The following FAT4 variants were observed in gnomAD, a reference collection of about 807,000 sequenced individuals.
FAT4 encodes the protein FAT atypical cadherin 4, also known as protocadherin Fat 4.
FAT4 carries 84 observed loss-of-function variants against 303.9 expected under a neutral mutation model. The ratio of observed to expected loss-of-function variants is 0.28; its 90% CI spans 0.23 to 0.33. The LOEUF is 0.33. Ranked by LOEUF, FAT4 falls within the 10% of genes least tolerant of loss-of-function variation. The probability of loss-of-function intolerance (pLI) is 1.00; values close to 1 mark genes in which losing one functional copy is unlikely to be tolerated. For missense variants in FAT4, 6,005 were observed against 6,146.8 expected (o/e 0.98, Z 0.77); for synonymous variants, 2,307 against 2,298.8 (o/e 1.00, Z -0.10).
chr4:125,451,284 T>C lies in FAT4; in HGVS notation c.10274T>C (p.Val3425Ala). The C allele has an allele frequency of 1.2e-5, 20 of 1,614,072 alleles. No individual in the cohort carries two copies. The highest frequency in any genetic ancestry group is 1.7e-5 in the Non-Finnish European group (20 of 1,179,948). Residue 3425 changes from valine to alanine, a missense_variant, in exon 10 of 18, where the codon GTG becomes GCG. Coordinates refer to ENST00000394329, the MANE Select transcript of FAT4 (RefSeq NM_001291303.3). ...GAAGGGGTCCCAATAGGAACTCATG[T>C]GACCTTTGTCAGTGCCTTTGACTCA... ...ISEGVPIGTH[V>A]TFVSAFDSDS...
chr4:125,485,077 T>C (rs1045226749), intron 16 of FAT4, among the ~76,000 whole-genome samples: 7 of 152,132 alleles, frequency 4.6e-5, no homozygotes, highest in African/African-American at 1.7e-4. Context: ...GCACTTACTG[T>C]GACTGAAGCT....
chr4:125,316,339 A>C lies in FAT4; in HGVS notation c.-12-61A>C. 6.6e-7 allele frequency: 1 copy of C among 1,513,028 alleles called. No individual in the cohort carries two copies. Among genetic ancestry groups the C allele is most frequent in the Non-Finnish European group, 8.8e-7 (1 of 1,132,336 alleles). 93.7% of individuals were successfully genotyped at this position (1,513,028 alleles called of 1,614,324 possible). A position where few individuals can be genotyped will look rare whatever the true frequency, so the allele number is the denominator to read the frequency against. On this transcript the variant is annotated intron_variant, in intron 1 of 17. Transcript: ENST00000394329. The surrounding 1 kb of genome is among the most constrained non-coding windows in gnomAD (Gnocchi z 5.7). ...GCTGAATCTTTGCTGGCGCTCCTTA[A>C]TCCCTGTAAATATCATTGCGTTTGC...
chr4:125,417,902 A>G (rs1314361069), intron 7 of FAT4, among the ~76,000 whole-genome samples: 1 of 152,190 alleles, frequency 6.6e-6, no homozygotes, highest in Non-Finnish European at 1.5e-5. Context: ...GATACAGAAA[A>G]CAGAAGTTGT....
chr4:125,488,461 G>C (rs149237731), intron 17 of FAT4, among the ~76,000 whole-genome samples: 19 of 152,256 alleles, frequency 1.2e-4, no homozygotes, highest in East Asian at 7.7e-4. Context: ...TTGGGATCTG[G>C]GCAAGATGTC....
intron 7 of FAT4, among the ~76,000 whole-genome samples, chr4:125,419,191 G>A (rs1237329430): frequency 6.6e-6 from 1 of 152,110 alleles, no homozygotes; most frequent in African/African-American, 2.4e-5. Flanking sequence ...ACTTATTCTA[G>A]CTATTAATGT....
At chr4:125,358,906 T>C (rs1303316578) in intron 2 of FAT4, among the ~76,000 whole-genome samples, 2 of 152,164 alleles carry the variant, frequency 1.3e-5, no homozygotes, top group Non-Finnish European at 2.9e-5. Context: ...CATTGTACTT[T>C]TACTAGGACC....
At position 125,316,119 on chromosome 4, in the gene FAT4, A is replaced by T. The variant is rs1730572433; in HGVS notation, c.-13+142A>T. ...TCAAAAACAAAGTAAAAGGGGGCAT[A>T]TATAAGAGGCTTGAGAAACTTTTCT... On this transcript the variant is annotated intron_variant, in intron 1 of 17. Coordinates refer to ENST00000394329, the MANE Select transcript of FAT4 (RefSeq NM_001291303.3). This position sits in a 1 kb window ranked among gnomAD's most constrained non-coding sequence, Gnocchi z 5.7. Among the ~76,000 whole-genome samples, 1 of 152,224 alleles carries T rather than the reference A, an allele frequency of 6.6e-6. No individual in the cohort carries two copies. Among genetic ancestry groups the T allele is most frequent in the Non-Finnish European group, 1.5e-5 (1 of 68,046 alleles).
chr4:125,477,929 G>A (rs1727089793), intron 14 of FAT4, among the ~76,000 whole-genome samples: 1 of 151,948 alleles, frequency 6.6e-6, no homozygotes, highest in Admixed American at 6.6e-5. Context: ...ATACAAGGAA[G>A]AAAACAAAAT....
chr4:125,419,010 T>C (rs1735178251), intron 7 of FAT4, among the ~76,000 whole-genome samples: 1 of 152,158 alleles, frequency 6.6e-6, no homozygotes, highest in Non-Finnish European at 1.5e-5. Flanking sequence ...TGGAAGTATA[T>C]CATGTAGTTA....
intron 7 of FAT4, among the ~76,000 whole-genome samples, chr4:125,424,450 C>A (rs1725020170): frequency 1.3e-5 from 2 of 152,132 alleles, no homozygotes; most frequent in African/African-American, 4.8e-5. Flanking sequence ...TTTCCTGAGG[C>A]CTCCCCAGCT....
intron 2 of FAT4, among the ~76,000 whole-genome samples, chr4:125,398,229 G>C (rs1734254790): frequency 6.6e-6 from 1 of 152,110 alleles, no homozygotes. Flanking sequence ...GTCACAAATA[G>C]AGAGTGCTGA....
chr4:125,466,020 A>C (rs1387643564), intron 11 of FAT4, among the ~76,000 whole-genome samples: 2 of 152,216 alleles, frequency 1.3e-5, no homozygotes, highest in Non-Finnish European at 2.9e-5. Flanking sequence ...CCTTTAAAAC[A>C]AAACTTTATC....
chr4:125,481,864 A>G (rs1288149100), intron 16 of FAT4, 126 bp downstream of exon 16: 4 of 756,514 alleles, frequency 5.3e-6, no homozygotes, highest in Non-Finnish European at 8.7e-6. Flanking sequence ...AATGCTGGGC[A>G]CTATTCCAAT....
chr4:125,347,101 T>C (rs1732032874), intron 2 of FAT4, among the ~76,000 whole-genome samples: 1 of 151,846 alleles, frequency 6.6e-6, no homozygotes, highest in East Asian at 1.9e-4. Context: ...GCCTGAGCGG[T>C]AGGCTCAGTG....
intron 2 of FAT4, among the ~76,000 whole-genome samples, chr4:125,348,589 G>A (rs115203469): frequency 6.3e-4 from 96 of 151,720 alleles, no homozygotes; most frequent in African/African-American, 2.2e-3. Context: ...TAGTACACTA[G>A]AGTAGTTCTT....
intron 5 of FAT4, among the ~76,000 whole-genome samples, chr4:125,413,168 A>ATG (rs907336126): frequency 4.0e-5 from 6 of 151,816 alleles, no homozygotes; most frequent in African/African-American, 1.4e-4. Flanking sequence ...CTTTATATAT[A>ATG]TATATGTGAA....
chr4:125,370,785 T>A (rs1005585067), intron 2 of FAT4, among the ~76,000 whole-genome samples: 1 of 152,112 alleles, frequency 6.6e-6, no homozygotes, highest in African/African-American at 2.4e-5. Context: ...AAATTTCAAA[T>A]TGACAAAAAT....
intron 12 of FAT4, among the ~76,000 whole-genome samples, chr4:125,473,629 A>G (rs1726934364): frequency 6.6e-6 from 1 of 152,006 alleles, no homozygotes; most frequent in African/African-American, 2.4e-5. Context: ...CCCATTCTCC[A>G]CACATATGTA....
intron 10 of FAT4, among the ~76,000 whole-genome samples, chr4:125,460,824 C>T (rs1399455142): frequency 6.6e-6 from 1 of 151,970 alleles, no homozygotes; most frequent in Non-Finnish European, 1.5e-5. Context: ...TTGGGTCAAA[C>T]AGTAGTTCTG....
Sources: allele counts gnomAD v4.1 joint callset (sites outside exome capture counted in the v4.1 genomes callset), GRCh38; gene constraint gnomAD v4.1.1; non-coding constraint Gnocchi (gnomAD v3.1); transcripts MANE v1.5; gene names NCBI Gene and HGNC (gene_info 2026-07-23, HGNC 2026-07-21).